The following AP3S1 variants were observed in gnomAD, a reference collection of about 807,000 sequenced individuals.
AP3S1 encodes the protein AP-3 complex subunit sigma-1.
Under a neutral mutation model 21.3 loss-of-function variants are expected in AP3S1, and 12 were observed. The ratio of observed to expected loss-of-function variants is 0.56; its 90% CI spans 0.36 to 0.91. AP3S1 has a LOEUF of 0.91. Ranked by LOEUF, AP3S1 falls within the 40% of genes least tolerant of loss-of-function variation. AP3S1 has a pLI of 0.01. For missense variants in AP3S1, 116 were observed against 225.0 expected (o/e 0.52, Z 3.10); for synonymous variants, 48 against 78.4 (o/e 0.61, Z 2.05).
At chr5:115,883,733 A>G (rs1485731712) in intron 3 of AP3S1, among the ~76,000 whole-genome samples, 2 of 152,216 alleles carry the variant, frequency 1.3e-5, no homozygotes, top group Non-Finnish European at 2.9e-5. Context: ...ATATTCAACT[A>G]TAGGTAGAAG....
intron 1 of AP3S1, among the ~76,000 whole-genome samples, chr5:115,858,498 T>A (rs1314371247): frequency 6.6e-6 from 1 of 152,192 alleles, no homozygotes; most frequent in African/African-American, 2.4e-5. Context: ...GCCATTGGTC[T>A]GTTTTCATTA....
intron 3 of AP3S1, among the ~76,000 whole-genome samples, chr5:115,874,386 A>T (rs1748526191): frequency 6.6e-6 from 1 of 152,120 alleles, no homozygotes; most frequent in Admixed American, 6.5e-5. Flanking sequence ...GGGTTGAGTT[A>T]TTTATAAGCA....
At chr5:115,891,089 A>G (rs1046883243) in intron 3 of AP3S1, among the ~76,000 whole-genome samples, 2 of 152,192 alleles carry the variant, frequency 1.3e-5, no homozygotes, top group African/African-American at 4.8e-5. Flanking sequence ...GAGTAAAGTC[A>G]TTTCAGGCAC....
intron 4 of AP3S1, chr5:115,898,808 C>T (rs887626959): frequency 1.3e-5 from 2 of 152,156 alleles, no homozygotes; most frequent in Non-Finnish European, 2.9e-5. Flanking sequence ...TGGTTATTAC[C>T]CCTAAAATCC....
intron 3 of AP3S1, among the ~76,000 whole-genome samples, chr5:115,892,542 A>G (rs1561515107): frequency 1.3e-5 from 2 of 152,206 alleles, no homozygotes; most frequent in African/African-American, 4.8e-5. Context: ...GTTAAGTGAA[A>G]GAAGCCAGAC....
In AP3S1 at chr5:115,895,150, G is replaced by T; in HGVS notation, c.337G>T (p.Val113Leu). ...CTGTGAGCTGGATTTGATTTTCCAT[G>T]TAGACAAGGTACTATTTGTATTGTC... ...NVCELDLIFH[V>L]DKVHNILAEM... Residue 113 changes from valine to leucine, a missense_variant, in exon 4 of 6, where the codon GTA (valine) becomes TTA (leucine). Physicochemically the swap from Val to Leu is conservative, Grantham distance 32. This residue lies in a region of AP3S1 where 65 missense variants were observed against 148.2 expected (regional missense o/e 0.44). Coordinates refer to ENST00000316788, the MANE Select transcript of AP3S1 (RefSeq NM_001284.4). 2 of 1,602,248 alleles carry T rather than the reference G, an allele frequency of 1.2e-6. No individual in the cohort carries two copies. Among genetic ancestry groups the T allele is most frequent in the Admixed American group, 1.7e-5 (1 of 59,238 alleles).
At chr5:115,860,989 A>G (rs1224876639) in intron 1 of AP3S1, among the ~76,000 whole-genome samples, 2 of 152,218 alleles carry the variant, frequency 1.3e-5, no homozygotes, top group Non-Finnish European at 2.9e-5. Flanking sequence ...TTTATTCAAT[A>G]CGCTTTTATT....
At chr5:115,861,110 T>C (rs147934135) in intron 1 of AP3S1, among the ~76,000 whole-genome samples, 1 of 152,258 alleles carries the variant, frequency 6.6e-6, no homozygotes, top group East Asian at 1.9e-4. Context: ...TATAAGTGTA[T>C]GATAGGAATA....
At chr5:115,847,780 T>G (rs542483630) in intron 1 of AP3S1, among the ~76,000 whole-genome samples, 65 of 152,322 alleles carry the variant, frequency 4.3e-4, no homozygotes, top group African/African-American at 1.4e-3. Context: ...TTATTAGCTT[T>G]TAATATATAT....
chr5:115,843,710 A>G (rs1761835580), intron 1 of AP3S1, among the ~76,000 whole-genome samples: 1 of 152,374 alleles, frequency 6.6e-6, no homozygotes, highest in Non-Finnish European at 1.5e-5. Flanking sequence ...AACTTAAGCA[A>G]TATTAAAAAT....
chr5:115,890,210 T>C (rs558311542), intron 3 of AP3S1, among the ~76,000 whole-genome samples: 1 of 152,320 alleles, frequency 6.6e-6, no homozygotes, highest in South Asian at 2.1e-4. Flanking sequence ...TAAGAAATGT[T>C]CTTAACAGTA....
chr5:115,871,718 C>G (rs925550611), intron 3 of AP3S1, among the ~76,000 whole-genome samples: 6 of 152,100 alleles, frequency 3.9e-5, no homozygotes, highest in African/African-American at 1.2e-4. Flanking sequence ...ACCAGTCTCA[C>G]TTTAAATTAA....
intron 1 of AP3S1, among the ~76,000 whole-genome samples, chr5:115,863,446 A>G (rs1478127101): frequency 6.7e-6 from 1 of 148,942 alleles, no homozygotes; most frequent in Admixed American, 6.7e-5. Context: ...GGTGGCGGGA[A>G]CCTGTAATCC....
chr5:115,913,105 G>T (rs1339637778), intron 5 of AP3S1, among the ~76,000 whole-genome samples: 3 of 152,100 alleles, frequency 2.0e-5, no homozygotes. Flanking sequence ...ATATTGTGTG[G>T]TAGTGCACAT....
At position 115,910,805 on chromosome 5, in the gene AP3S1, A is replaced by G. The variant is rs192017988; in HGVS notation, c.454-2557A>G. Among the ~76,000 whole-genome samples the G allele has an allele frequency of 3.0e-3, 462 of 152,244 alleles. 3 individuals are homozygous for G. The highest frequency in any genetic ancestry group is 4.6e-3 in the Non-Finnish European group (311 of 68,000). On this transcript the variant is annotated intron_variant, in intron 5 of 5. Coordinates refer to ENST00000316788, the MANE Select transcript of AP3S1 (RefSeq NM_001284.4). ...CTCAACATTTTATATTTTGCATAAT[A>G]TGATTTCTTTTTAAAACGTTAGTTT...
At chr5:115,867,075 T>C (rs951812005) in intron 2 of AP3S1, among the ~76,000 whole-genome samples, 4 of 152,152 alleles carry the variant, frequency 2.6e-5, no homozygotes, top group Admixed American at 1.3e-4. Context: ...CCCAATTTCT[T>C]GTGTATCCTT....
intron 1 of AP3S1, among the ~76,000 whole-genome samples, chr5:115,860,020 G>A (rs1355957755): frequency 6.6e-6 from 1 of 152,170 alleles, no homozygotes; most frequent in African/African-American, 2.4e-5. Flanking sequence ...GGGTTTTACT[G>A]GACTAAAATC....
intron 4 of AP3S1, among the ~76,000 whole-genome samples, chr5:115,901,420 C>T (rs1167611596): frequency 1.5e-5 from 2 of 131,518 alleles, no homozygotes; most frequent in South Asian, 2.3e-4. Flanking sequence ...TTTTAAGTTA[C>T]GGTAGTTTTC....
chr5:115,907,300 G>A lies in AP3S1; in HGVS notation c.453+4308G>A, dbSNP rs368192534. ...ATTCTAACATAAAATTGCCTGCTGG[G>A]TTTTGGAAGCTGTGAATTTAAAAAC... On this transcript the variant is annotated intron_variant, in intron 5 of 5. Transcript: ENST00000316788. 9.2e-5 allele frequency among the ~76,000 whole-genome samples: 14 copies of A among 152,150 alleles called. No individual in the cohort carries two copies. The East Asian group carries it at 1.2e-3, about 13-fold the overall frequency.
Sources: allele counts gnomAD v4.1 joint callset (sites outside exome capture counted in the v4.1 genomes callset), GRCh38; gene constraint gnomAD v4.1.1; regional missense constraint gnomAD v4.1.1; transcripts MANE v1.5; gene names NCBI Gene and HGNC (gene_info 2026-07-23, HGNC 2026-07-21).